IPO7: variants seen among roughly 807,000 people sequenced by gnomAD.
The protein encoded by IPO7 is importin 7, also known as importin-7.
IPO7 carries 13 observed loss-of-function variants against 136.4 expected under a neutral mutation model. That is an observed-to-expected ratio of 0.10 (90% CI 0.06 to 0.15). IPO7 has a LOEUF of 0.15. Ranked by LOEUF, IPO7 falls within the 10% of genes least tolerant of loss-of-function variation. The probability of loss-of-function intolerance (pLI) is 1.00; values close to 1 mark genes in which losing one functional copy is unlikely to be tolerated. For missense variants in IPO7, 857 were observed against 1,240.6 expected (o/e 0.69, Z 4.65); for synonymous variants, 403 against 404.4 (o/e 1.00, Z 0.04).
chr11:9,400,568 G>T (rs552231149), intron 1 of IPO7, among the ~76,000 whole-genome samples: 1 of 151,868 alleles, frequency 6.6e-6, no homozygotes. Flanking sequence ...GACTACAGGC[G>T]CCTGCCACCT....
chr11:9,398,687 G>C (rs1212844076), intron 1 of IPO7, among the ~76,000 whole-genome samples: 1 of 152,176 alleles, frequency 6.6e-6, no homozygotes, highest in Non-Finnish European at 1.5e-5. Flanking sequence ...GATCAAATCA[G>C]GGTAATTAGC....
intron 8 of IPO7, among the ~76,000 whole-genome samples, chr11:9,420,926 G>A (rs1310187353): frequency 6.6e-6 from 1 of 152,076 alleles, no homozygotes; most frequent in African/African-American, 2.4e-5. Flanking sequence ...TTAGAAATTA[G>A]AGTAAACAGT....
At chr11:9,412,076 A>C (rs1854974954) in intron 4 of IPO7, among the ~76,000 whole-genome samples, 1 of 152,266 alleles carries the variant, frequency 6.6e-6, no homozygotes, top group Non-Finnish European at 1.5e-5. Flanking sequence ...GTGAATTGTT[A>C]TTTTGTCAAC....
intron 1 of IPO7, among the ~76,000 whole-genome samples, chr11:9,392,655 A>C (rs1854652657): frequency 1.3e-5 from 2 of 151,916 alleles, no homozygotes; most frequent in African/African-American, 4.8e-5. Flanking sequence ...AATAATACAA[A>C]GTTACAGTTT....
intron 2 of IPO7, 26 bp downstream of exon 2, chr11:9,403,397 G>C: frequency 6.7e-7 from 1 of 1,499,904 alleles, no homozygotes; most frequent in Non-Finnish European, 9.3e-7. Flanking sequence ...TATATTGAGT[G>C]TATGTAATCT....
rs989512854 is a variant in IPO7, at chr11:9,391,688, C to T, written c.84+6841C>T. Among the ~76,000 whole-genome samples the T allele has an allele frequency of 2.6e-5, 4 of 152,208 alleles. No individual in the cohort carries two copies. The South Asian group carries it at 8.3e-4, about 32-fold the overall frequency. Reference sequence around the variant, plus strand: ...CACTGCACTCCAGCCTGGGCGACAGCAAGACTCCATCTTAAAAAATAAAAT... The same window carrying T: ...CACTGCACTCCAGCCTGGGCGACAGTAAGACTCCATCTTAAAAAATAAAAT... On this transcript the variant is annotated intron_variant, in intron 1 of 24. Transcript: ENST00000379719.
intron 15 of IPO7, 69 bp from the exon 16 acceptor site, chr11:9,430,804 TAA>T: frequency 1.5e-6 from 2 of 1,343,946 alleles, no homozygotes; most frequent in South Asian, 2.5e-5. Flanking sequence ...TTCTAAGAAT[TAA>T]AAGTCTTAGA....
intron 19 of IPO7, 31 bp from the exon 20 acceptor site, chr11:9,436,240 C>G: frequency 6.8e-7 from 1 of 1,472,284 alleles, no homozygotes; most frequent in Non-Finnish European, 9.5e-7. Context: ...AGGATAAAGC[C>G]TTACTGCAAT....
intron 1 of IPO7, among the ~76,000 whole-genome samples, chr11:9,389,721 C>CTT (rs1488839357): frequency 1.3e-5 from 2 of 152,004 alleles, no homozygotes; most frequent in African/African-American, 4.8e-5. Flanking sequence ...ACTCTTAGTT[C>CTT]CTAAGCTCAA....
chr11:9,403,190 G>A, intron 1 of IPO7, 100 bp from the exon 2 acceptor site: 1 of 784,928 alleles, frequency 1.3e-6, no homozygotes, highest in African/African-American at 1.7e-5. Context: ...AGAGCCTTTT[G>A]TGCAAGCCAA....
Position 9,445,308 on chromosome 11 carries a change from C to G in IPO7, c.*114C>G, listed in dbSNP as rs1716735012. Reference sequence around the variant, plus strand: ...TCTAAACTAATAATCAATAGATGGACAAAAGAAACAACAACCCCAGGAGAT... The same window carrying G: ...TCTAAACTAATAATCAATAGATGGAGAAAAGAAACAACAACCCCAGGAGAT... On this transcript the variant is annotated 3_prime_UTR_variant, in exon 25 of 25. Coordinates refer to ENST00000379719, the MANE Select transcript of IPO7 (RefSeq NM_006391.3). 7.4e-6 allele frequency: 2 copies of G among 271,536 alleles called. No individual in the cohort carries two copies. 16.8% of individuals were successfully genotyped at this position (271,536 alleles called of 1,614,324 possible).
chr11:9,430,632 T>C, intron 15 of IPO7: 1 of 438,748 alleles, frequency 2.3e-6, no homozygotes, highest in East Asian at 3.5e-5. Context: ...TCGTACGGTG[T>C]CTATGAAATC....
At chr11:9,408,417 G>A (rs770572574) in intron 2 of IPO7, 69 bp from the exon 3 acceptor site, 24 of 979,302 alleles carry the variant, frequency 2.5e-5, no homozygotes, top group Non-Finnish European at 3.3e-5. Context: ...CTTGAGGTAT[G>A]GACACTTGTG....
chr11:9,416,776 A>C (rs1427759125), intron 5 of IPO7, among the ~76,000 whole-genome samples: 1 of 152,234 alleles, frequency 6.6e-6, no homozygotes, highest in Non-Finnish European at 1.5e-5. Flanking sequence ...TTAGAATCCT[A>C]GAACAGAATC....
chr11:9,442,559 A>G lies in IPO7; in HGVS notation c.3019+362A>G, dbSNP rs866701838. Among the ~76,000 whole-genome samples, 5 of 150,920 alleles carry G rather than the reference A, an allele frequency of 3.3e-5. No individual in the cohort carries two copies. The South Asian group carries it at 1.0e-3, about 31-fold the overall frequency. On this transcript the variant is annotated intron_variant, in intron 24 of 24. Transcript: ENST00000379719. The stretch of plus-strand genomic sequence containing the variant: ...CTCCCAAGTAGCTGGGACTACAGGC[A>G]CCTGCCACTACACCTGGCTAATTTT...
rs757274908 is a variant in IPO7 at position 9,445,281 on chromosome 11, A to G, written c.*87A>G. On this transcript the variant is annotated 3_prime_UTR_variant, in exon 25 of 25. Transcript: ENST00000379719. ...GTTCCAGAACTGGTTCATGTTATCT[A>G]TTCTAAACTAATAATCAATAGATGG... The G allele has an allele frequency of 2.3e-5, 16 of 704,566 alleles. No homozygotes were observed. Among genetic ancestry groups the G allele is most frequent in the Non-Finnish European group, 1.7e-5 (7 of 409,532 alleles). 43.6% of individuals were successfully genotyped at this position (704,566 alleles called of 1,614,324 possible). A position where few individuals can be genotyped will look rare whatever the true frequency, so the allele number is the denominator to read the frequency against.
At chr11:9,428,868 CA>C in intron 13 of IPO7, 162 bp from the exon 14 acceptor site, 1 of 802,512 alleles carries the variant, frequency 1.2e-6, no homozygotes, top group Non-Finnish European at 2.3e-6. Context: ...ATCATGCGGC[CA>C]AAGAGTAACT....
chr11:9,402,399 C>CAAAAAAAAA (rs71062846), intron 1 of IPO7, among the ~76,000 whole-genome samples: 16 of 44,898 alleles, frequency 3.6e-4, no homozygotes, highest in African/African-American at 1.7e-3. Context: ...GACTGTGTCT[C>CAAAAAAAAA]AAAAAAAAAA....
intron 8 of IPO7, among the ~76,000 whole-genome samples, chr11:9,422,068 C>T (rs961206252): frequency 4.7e-4 from 72 of 152,140 alleles, no homozygotes; most frequent in African/African-American, 1.7e-3. Context: ...TCACCTGAGG[C>T]CAGGAGTTCG....
Sources: allele counts gnomAD v4.1 joint callset (sites outside exome capture counted in the v4.1 genomes callset), GRCh38; gene constraint gnomAD v4.1.1; transcripts MANE v1.5; gene names NCBI Gene and HGNC (gene_info 2026-07-23, HGNC 2026-07-21).